ASTN2: variants seen among roughly 807,000 people sequenced by gnomAD.
ASTN2 encodes astrotactin 2.
A neutral mutation model predicts 139.8 loss-of-function variants in ASTN2; 54 were observed. The observed-to-expected ratio is 0.39, with a 90% CI of 0.31 to 0.48. The LOEUF (loss-of-function observed/expected upper bound fraction) is 0.48, where lower values mean the gene tolerates loss of function less well. Among genes scored for constraint, ASTN2 ranks in the 20% least tolerant of loss-of-function variants. The pLI, the probability that ASTN2 is intolerant of heterozygous loss-of-function variation, is 0.95. For missense variants in ASTN2, 1,565 were observed against 1,725.1 expected (o/e 0.91, Z 1.64); for synonymous variants, 756 against 719.5 (o/e 1.05, Z -0.81).
chr9:117,110,004 C>G (rs4838205), intron 4 of ASTN2, among the ~76,000 whole-genome samples: 2 of 152,008 alleles, frequency 1.3e-5, no homozygotes, highest in Non-Finnish European at 2.9e-5. Flanking sequence ...CTCTGAAATA[C>G]GCCTATTTCA....
chr9:116,585,181 G>A (rs1014611242), intron 19 of ASTN2: 1 of 152,070 alleles, frequency 6.6e-6, no homozygotes, highest in Non-Finnish European at 1.5e-5. Flanking sequence ...TACCGTTAAG[G>A]GCAAGGACTC....
At chr9:116,997,653 A>G (rs1387611730) in intron 7 of ASTN2, among the ~76,000 whole-genome samples, 1 of 152,220 alleles carries the variant, frequency 6.6e-6, no homozygotes, top group Non-Finnish European at 1.5e-5. Flanking sequence ...GCCAAATCCC[A>G]GCAGTAATAC....
At chr9:117,217,380 G>A (rs1382698368) in intron 2 of ASTN2, among the ~76,000 whole-genome samples, 4 of 152,060 alleles carry the variant, frequency 2.6e-5, no homozygotes, top group African/African-American at 7.2e-5. Flanking sequence ...AGTATATCCC[G>A]ATTATGGTTG....
At chr9:117,031,922 C>A (rs539361026) in intron 6 of ASTN2, among the ~76,000 whole-genome samples, 6 of 152,100 alleles carry the variant, frequency 3.9e-5, no homozygotes, top group Non-Finnish European at 7.4e-5. Flanking sequence ...AAGTATGACA[C>A]GTATGTAATA....
chr9:117,170,464 C>T (rs1416495164), intron 3 of ASTN2, among the ~76,000 whole-genome samples: 1 of 152,130 alleles, frequency 6.6e-6, no homozygotes, highest in Non-Finnish European at 1.5e-5. Flanking sequence ...AAAATTTCTA[C>T]CTGCATGAAG....
At chr9:116,577,564 T>C (rs1388714286) in intron 19 of ASTN2, among the ~76,000 whole-genome samples, 1 of 151,386 alleles carries the variant, frequency 6.6e-6, no homozygotes, top group Non-Finnish European at 1.5e-5. Flanking sequence ...GAAAAAAGAA[T>C]GTATGTTATG....
intron 10 of ASTN2, among the ~76,000 whole-genome samples, chr9:116,931,253 C>A (rs1363574772): frequency 2.0e-5 from 3 of 152,116 alleles, no homozygotes; most frequent in African/African-American, 4.8e-5. Flanking sequence ...TGCTTTCCTG[C>A]CATCGGCCTA....
At chr9:116,740,410 T>A (rs1464270843) in intron 13 of ASTN2, among the ~76,000 whole-genome samples, 1 of 152,218 alleles carries the variant, frequency 6.6e-6, no homozygotes, top group Non-Finnish European at 1.5e-5. Context: ...TTCAGGAGTA[T>A]CACTTCAAAT....
At chr9:116,462,098 A>AGG (rs1339848045) in intron 20 of ASTN2, among the ~76,000 whole-genome samples, 1 of 152,152 alleles carries the variant, frequency 6.6e-6, no homozygotes, top group Non-Finnish European at 1.5e-5. Context: ...GTAATTGGCA[A>AGG]GCCAGGGTTT....
intron 1 of ASTN2, among the ~76,000 whole-genome samples, chr9:117,367,920 T>C (rs1049552606): frequency 6.6e-6 from 1 of 152,148 alleles, no homozygotes; most frequent in Non-Finnish European, 1.5e-5. Flanking sequence ...TATTATCATA[T>C]GAGTTCTGTA....
chr9:117,144,423 A>G (rs948441700), intron 3 of ASTN2, among the ~76,000 whole-genome samples: 2 of 152,190 alleles, frequency 1.3e-5, no homozygotes, highest in Admixed American at 6.5e-5. Context: ...CCTGCGGCCC[A>G]GGGGCCACAG....
intron 17 of ASTN2, among the ~76,000 whole-genome samples, chr9:116,647,282 G>C (rs1857643548): frequency 6.6e-6 from 1 of 152,154 alleles, no homozygotes; most frequent in South Asian, 2.1e-4. Flanking sequence ...ATATCCACTT[G>C]TCATACTGTT....
chr9:116,800,212 T>A (rs1035131505), intron 13 of ASTN2, among the ~76,000 whole-genome samples: 4 of 152,152 alleles, frequency 2.6e-5, no homozygotes, highest in African/African-American at 7.2e-5. Flanking sequence ...CCTCCTTAAC[T>A]CTGTTCACTG....
chr9:116,997,294 T>C (rs1433205380), intron 7 of ASTN2, among the ~76,000 whole-genome samples: 2 of 152,196 alleles, frequency 1.3e-5, no homozygotes, highest in African/African-American at 2.4e-5. Context: ...AGATTGTCCT[T>C]TCTTAAAAGA....
At chr9:117,309,090 T>A (rs1827882370) in intron 1 of ASTN2, among the ~76,000 whole-genome samples, 1 of 152,268 alleles carries the variant, frequency 6.6e-6, no homozygotes, top group Non-Finnish European at 1.5e-5. Flanking sequence ...ACATTATATA[T>A]TCATTTATGT....
chr9:116,742,647 G>A (rs1378803737), intron 13 of ASTN2, among the ~76,000 whole-genome samples: 1 of 152,144 alleles, frequency 6.6e-6, no homozygotes, highest in Admixed American at 6.5e-5. Flanking sequence ...TCCTGGGAGA[G>A]GGTAGCAGTA....
At chr9:116,860,103 T>A (rs568812259) in intron 11 of ASTN2, among the ~76,000 whole-genome samples, 19 of 151,282 alleles carry the variant, frequency 1.3e-4, no homozygotes, top group Admixed American at 3.3e-4. Context: ...AGGTACCAGA[T>A]TAAAAAGTGA....
intron 2 of ASTN2, among the ~76,000 whole-genome samples, chr9:117,255,628 C>T (rs192747821): frequency 1.6e-4 from 25 of 152,270 alleles, no homozygotes; most frequent in Admixed American, 1.6e-3. Context: ...TTCCCCCCAT[C>T]CCTCAAGAAA....
At chr9:117,366,611 A>G (rs189031625) in intron 1 of ASTN2, among the ~76,000 whole-genome samples, 182 of 151,902 alleles carry the variant, frequency 1.2e-3, no homozygotes, top group Non-Finnish European at 1.6e-3. Flanking sequence ...TGAGTACCCA[A>G]TTTTTCCTGC....
Sources: allele counts gnomAD v4.1 joint callset (sites outside exome capture counted in the v4.1 genomes callset), GRCh38; gene constraint gnomAD v4.1.1; transcripts MANE v1.5; gene names NCBI Gene and HGNC (gene_info 2026-07-23, HGNC 2026-07-21).